The following KCNC4 variants were observed in gnomAD, a reference collection of about 807,000 sequenced individuals.
The protein encoded by KCNC4 is potassium voltage-gated channel subfamily C member 4.
In KCNC4, 23 loss-of-function variants were observed where a neutral mutation model predicts 42.8. The ratio of observed to expected loss-of-function variants is 0.54; its 90% CI spans 0.39 to 0.76. The LOEUF (loss-of-function observed/expected upper bound fraction) is 0.76. Among genes scored for constraint, KCNC4 ranks in the 30% least tolerant of loss-of-function variants. The pLI is 0.00. For missense variants in KCNC4, 751 were observed against 898.2 expected, an observed-to-expected ratio of 0.84 and a Z score of 2.10; for synonymous variants, 422 against 393.5, an observed-to-expected ratio of 1.07 and a Z score of -0.86.
In KCNC4 at chr1:110,223,478, T is replaced by G; in HGVS notation, c.1193T>G (p.Met398Arg). 1 of 1,613,912 alleles carries G rather than the reference T, an allele frequency of 6.2e-7. No homozygotes were observed. Among genetic ancestry groups the G allele is most frequent in the Non-Finnish European group, 8.5e-7 (1 of 1,180,028 alleles). Residue 398 changes from methionine (M) to arginine (R), a missense_variant, in exon 2 of 4, where the codon ATG becomes AGG. Met to Arg is a moderately conservative substitution (Grantham distance 91). Transcript: ENST00000438661. This position sits in a 1 kb window ranked among gnomAD's most constrained non-coding sequence, Gnocchi z 7.5. ...LALGVLIFAT[M>R]IYYAERIGAR... The stretch of plus-strand genomic sequence containing the variant: ...CTGGGTGTGCTCATCTTTGCCACCA[T>G]GATCTACTACGCTGAGCGCATTGGG...
intron 1 of KCNC4, among the ~76,000 whole-genome samples, chr1:110,257,880 G>T (rs57012788): frequency 0.46 from 69,474 of 152,004 alleles, 17,016 homozygotes; most frequent in African/African-American, 0.65. Context: ...CAGCTGGTGT[G>T]TTAGCCATCA....
chr1:110,273,102 G>T (rs1403989184), intron 1 of KCNC4, among the ~76,000 whole-genome samples: 1 of 152,174 alleles, frequency 6.6e-6, no homozygotes, highest in Non-Finnish European at 1.5e-5. Flanking sequence ...CTCTGTAACT[G>T]CATATAATGT....
At chr1:110,225,900 G>A (rs1181650504) in intron 2 of KCNC4, 75 bp from the exon 3 acceptor site, 1 of 1,362,348 alleles carries the variant, frequency 7.3e-7, no homozygotes, top group Non-Finnish European at 1.0e-6. Flanking sequence ...CTCTGGGTCT[G>A]GGAGACCCCA....
At chr1:110,245,029 A>G (rs1233273828) in exon 4 of KCNC4, 2 of 152,154 alleles carry the variant, frequency 1.3e-5, no homozygotes, top group Non-Finnish European at 2.9e-5. Context: ...TCTTTTCTGA[A>G]TGAGCTCTAA....
At chr1:110,230,029 A>G (rs1207128820) in intron 3 of KCNC4, among the ~76,000 whole-genome samples, 1 of 152,118 alleles carries the variant, frequency 6.6e-6, no homozygotes, top group Non-Finnish European at 1.5e-5. Context: ...GGCTCCCCAA[A>G]AGGCGGACTG....
intron 3 of KCNC4, 150 bp from the exon 4 acceptor site, chr1:110,232,761 C>T (rs1658761105): frequency 1.3e-6 from 2 of 1,536,250 alleles, no homozygotes; most frequent in Non-Finnish European, 1.7e-6. Flanking sequence ...TAGCCCACAC[C>T]CTGTGGGTCA....
At chr1:110,230,566 C>T (rs1033519181) in intron 3 of KCNC4, among the ~76,000 whole-genome samples, 3 of 152,230 alleles carry the variant, frequency 2.0e-5, no homozygotes, top group Admixed American at 2.0e-4. Context: ...GCACCCACCG[C>T]CTCCTTCCCT....
chr1:110,236,096 A>C (rs1658899067), downstream of KCNC4: 1 of 152,204 alleles, frequency 6.6e-6, no homozygotes, highest in Admixed American at 6.5e-5. Context: ...TGATGACCTC[A>C]CTTTTCAGTG....
downstream of KCNC4, among the ~76,000 whole-genome samples, chr1:110,249,546 T>G (rs1659215978): frequency 6.6e-6 from 1 of 152,158 alleles, no homozygotes; most frequent in Non-Finnish European, 1.5e-5. Flanking sequence ...TATAGACTCC[T>G]TGGCCTGGAC....
chr1:110,260,913 C>G (rs1383648693), intron 1 of KCNC4, among the ~76,000 whole-genome samples: 1 of 152,140 alleles, frequency 6.6e-6, no homozygotes, highest in Non-Finnish European at 1.5e-5. Context: ...CTGGGTGACG[C>G]AGCGAGACTC....
exon 4 of KCNC4, chr1:110,243,610 AGAG>A (rs1659077963): frequency 6.5e-6 from 1 of 153,374 alleles, no homozygotes; most frequent in Non-Finnish European, 1.5e-5. Flanking sequence ...GAAGCTGAGA[AGAG>A]GAAGATGAAG....
intron 1 of KCNC4, among the ~76,000 whole-genome samples, chr1:110,255,729 G>A (rs1659318924): frequency 6.6e-6 from 1 of 152,218 alleles, no homozygotes; most frequent in Non-Finnish European, 1.5e-5. Flanking sequence ...TGGGGATCAA[G>A]AAGCTTCTCA....
downstream of KCNC4, chr1:110,236,318 A>G (rs2101049159): frequency 6.6e-6 from 1 of 152,336 alleles, no homozygotes; most frequent in Admixed American, 6.5e-5. Context: ...AAAGTCACAC[A>G]GCCATTAAGT....
intron 1 of KCNC4, among the ~76,000 whole-genome samples, chr1:110,215,159 G>T (rs2100989486): frequency 6.6e-6 from 1 of 152,370 alleles, no homozygotes; most frequent in South Asian, 2.1e-4. Flanking sequence ...GATACAAATG[G>T]AAAGTGAACT....
chr1:110,255,159 C>G (rs563476885), intron 1 of KCNC4, among the ~76,000 whole-genome samples: 26 of 152,334 alleles, frequency 1.7e-4, no homozygotes, highest in African/African-American at 6.3e-4. Context: ...TGGCACAGAG[C>G]CTGGAGCAGA....
exon 4 of KCNC4, chr1:110,240,274 A>C (rs1244378787): frequency 6.6e-6 from 1 of 152,196 alleles, no homozygotes; most frequent in Non-Finnish European, 1.5e-5. Context: ...CACCAAGGGC[A>C]CCCTGAACTC....
At chr1:110,224,812 T>A (rs531146998) in intron 2 of KCNC4, 4 of 152,294 alleles carry the variant, frequency 2.6e-5, no homozygotes, top group Non-Finnish European at 4.4e-5. Flanking sequence ...CTGGGAAAGG[T>A]ATGGAATTCC....
At chr1:110,266,615 G>A (rs993116758) in intron 1 of KCNC4, among the ~76,000 whole-genome samples, 1 of 152,180 alleles carries the variant, frequency 6.6e-6, no homozygotes, top group Non-Finnish European at 1.5e-5. Context: ...ACTTGCCCAA[G>A]GGCACAGAAC....
chr1:110,234,979 G>A (rs986692632), downstream of KCNC4: 2 of 152,280 alleles, frequency 1.3e-5, no homozygotes, highest in Non-Finnish European at 2.9e-5. Context: ...CTGGCCTGGT[G>A]TCATGTGTCT....
Sources: allele counts gnomAD v4.1 joint callset (sites outside exome capture counted in the v4.1 genomes callset), GRCh38; gene constraint gnomAD v4.1.1; non-coding constraint Gnocchi (gnomAD v3.1); transcripts MANE v1.5; gene names NCBI Gene and HGNC (gene_info 2026-07-23, HGNC 2026-07-21).